ANKRD12: variants seen among roughly 807,000 people sequenced by gnomAD.
ANKRD12 encodes ankyrin repeat domain-containing protein 12.
ANKRD12 carries 85 observed loss-of-function variants against 183.4 expected under a neutral mutation model. That is an observed-to-expected ratio of 0.46 (90% CI 0.39 to 0.56). The LOEUF is 0.56. ANKRD12 is among the 20% of genes least tolerant of loss of function. ANKRD12 has a pLI of 0.00. For missense variants in ANKRD12, 2,405 were observed against 2,357.1 expected, an observed-to-expected ratio of 1.02 and a Z score of -0.42; for synonymous variants, 914 against 800.2, an observed-to-expected ratio of 1.14 and a Z score of -2.40.
At chr18:9,149,808 T>A (rs1359809759) in intron 1 of ANKRD12, among the ~76,000 whole-genome samples, 3 of 149,312 alleles carry the variant, frequency 2.0e-5, no homozygotes, top group Non-Finnish European at 4.5e-5. Context: ...ATTTTTTTTT[T>A]TTTTTGAGAC....
chr18:9,237,786 G>A lies in ANKRD12; in HGVS notation c.943+15787G>A, dbSNP rs367856769. On this transcript the variant is annotated intron_variant, in intron 8 of 12. Transcript: ENST00000262126. ...CAGGCCATTAAGGAGACGTGTCTTA[G>A]GTAGCTAGTGGCAGAGGAGATGATG... 7.7e-4 allele frequency among the ~76,000 whole-genome samples: 117 copies of A among 152,262 alleles called. 1 individual carries two copies. Among genetic ancestry groups the A allele is most frequent in the African/African-American group, 2.8e-3 (115 of 41,542 alleles).
chr18:9,160,710 G>A (rs183048740), intron 1 of ANKRD12, among the ~76,000 whole-genome samples: 14 of 152,236 alleles, frequency 9.2e-5, no homozygotes, highest in African/African-American at 3.1e-4. Context: ...GGAAGTTTGC[G>A]TTATCAAGTG....
chr18:9,145,363 C>G (rs1362567749), intron 1 of ANKRD12, among the ~76,000 whole-genome samples: 2 of 152,222 alleles, frequency 1.3e-5, no homozygotes, highest in African/African-American at 4.8e-5. Context: ...AGCATTACAT[C>G]TAGCATTGTT....
intron 8 of ANKRD12, among the ~76,000 whole-genome samples, chr18:9,241,305 T>C (rs1448393812): frequency 6.6e-6 from 1 of 152,184 alleles, no homozygotes; most frequent in Non-Finnish European, 1.5e-5. Flanking sequence ...ATACCTATAA[T>C]AAAAGATTTT....
chr18:9,263,903 A>C lies in ANKRD12; in HGVS notation c.5763+15A>C. The C allele has an allele frequency of 7.1e-7, 1 of 1,403,942 alleles. No homozygotes were observed. The highest frequency in any genetic ancestry group is 9.8e-7 in the Non-Finnish European group (1 of 1,025,028). 87.0% of individuals were successfully genotyped at this position (1,403,942 alleles called of 1,614,324 possible). On this transcript the variant is annotated intron_variant, in intron 10 of 12. Transcript: ENST00000262126. ...GTATTGAAAGGGTAAGAAATGTTTA[A>C]ATTTACACTTATGCTAAAAATAACT...
intron 9 of ANKRD12, 124 bp from the exon 10 acceptor site, chr18:9,263,663 GTAT>G (rs1450503478): frequency 7.2e-5 from 39 of 538,808 alleles, no homozygotes; most frequent in African/African-American, 7.1e-4. Context: ...AACTAGTGCT[GTAT>G]TATTTAATTC....
intron 10 of ANKRD12, among the ~76,000 whole-genome samples, chr18:9,271,694 G>T (rs1340308768): frequency 6.6e-6 from 1 of 152,142 alleles, no homozygotes; most frequent in Non-Finnish European, 1.5e-5. Flanking sequence ...AAAAATTTGG[G>T]AGGATATCAG....
rs759417506 is a variant in ANKRD12 at position 9,258,522 on chromosome 18, C to T, written c.5255C>T (p.Ala1752Val). ...GCAAATCAAAGCAAACAGATTCTTGCTAGCTGTACACTATTATCAGAAAAA... is the reference window on the plus strand; with the variant it reads ...GCAAATCAAAGCAAACAGATTCTTGTTAGCTGTACACTATTATCAGAAAAA... ...TMANQSKQILASCTLLSEKDS... is the reference protein window; with the variant it reads ...TMANQSKQILVSCTLLSEKDS... The change falls in exon 9 of 13, where the codon GCT becomes GTT. Residue 1752 changes from alanine to valine, a missense_variant. By Grantham distance (64) the Ala-to-Val change is moderately conservative. Around this residue, in one of 7 missense-constraint regions of ANKRD12, gnomAD observed 1,983 missense variants for 1,725.9 expected, o/e 1.15. Transcript: ENST00000262126. The T allele has an allele frequency of 4.3e-6, 7 of 1,613,584 alleles. No individual in the cohort carries two copies. Among genetic ancestry groups the T allele is most frequent in the Middle Eastern group, 1.6e-4 (1 of 6,084 alleles).
chr18:9,281,131 C>T lies in ANKRD12; in HGVS notation c.*5C>T. On this transcript the variant is annotated 3_prime_UTR_variant, in exon 13 of 13. Coordinates refer to ENST00000262126, the MANE Select transcript of ANKRD12 (RefSeq NM_015208.5). ...TTTGAATTGACTCCTATATAGCAGTCAGTACTTCCTGATGGTATTGTCCTA... is the reference window on the plus strand; with the variant it reads ...TTTGAATTGACTCCTATATAGCAGTTAGTACTTCCTGATGGTATTGTCCTA... 1 of 1,609,668 alleles carries T rather than the reference C, an allele frequency of 6.2e-7. No individual in the cohort carries two copies. The highest frequency in any genetic ancestry group is 1.1e-5 in the South Asian group (1 of 90,468).
intron 1 of ANKRD12, among the ~76,000 whole-genome samples, chr18:9,144,702 G>T (rs564665561): frequency 2.0e-5 from 3 of 152,124 alleles, no homozygotes; most frequent in Admixed American, 1.3e-4. Context: ...TGCACCTAAG[G>T]TTCAAGTTAA....
intron 1 of ANKRD12, among the ~76,000 whole-genome samples, chr18:9,170,300 CAG>C (rs1270622743): frequency 2.0e-5 from 3 of 152,198 alleles, no homozygotes; most frequent in South Asian, 4.1e-4. Flanking sequence ...TAATATCCTG[CAG>C]AGTGTTTTCC....
chr18:9,232,050 T>G (rs542877178), intron 8 of ANKRD12, among the ~76,000 whole-genome samples: 1 of 152,322 alleles, frequency 6.6e-6, no homozygotes, highest in Non-Finnish European at 1.5e-5. Flanking sequence ...ATATTCAATT[T>G]TATTGATATG....
chr18:9,226,964 CCTGTA>C (rs2036753874), intron 8 of ANKRD12, among the ~76,000 whole-genome samples: 1 of 151,978 alleles, frequency 6.6e-6, no homozygotes, highest in Admixed American at 6.6e-5. Flanking sequence ...TAGACTGGAT[CCTGTA>C]CTGGAGGGGA....
At chr18:9,244,343 A>T (rs2145040080) in intron 8 of ANKRD12, among the ~76,000 whole-genome samples, 1 of 152,254 alleles carries the variant, frequency 6.6e-6, no homozygotes, top group East Asian at 1.9e-4. Context: ...AAAACTAAAC[A>T]ACATGGAGAC....
chr18:9,225,826 G>GT (rs1296302108), intron 8 of ANKRD12, among the ~76,000 whole-genome samples: 1 of 152,076 alleles, frequency 6.6e-6, no homozygotes, highest in Admixed American at 6.5e-5. Flanking sequence ...ATTCAAACAT[G>GT]TAGCAAAGCT....
intron 8 of ANKRD12, among the ~76,000 whole-genome samples, chr18:9,237,260 A>T (rs1466871744): frequency 1.3e-5 from 2 of 152,206 alleles, no homozygotes; most frequent in Admixed American, 1.3e-4. Context: ...TATGAACAAG[A>T]TCTTCAAAAT....
chr18:9,264,878 G>A (rs372998028), intron 10 of ANKRD12, among the ~76,000 whole-genome samples: 4 of 152,306 alleles, frequency 2.6e-5, no homozygotes, highest in African/African-American at 9.6e-5. Context: ...CAAGATGGCC[G>A]AATAGGAACA....
At chr18:9,215,244 A>T (rs1346986267) in intron 6 of ANKRD12, among the ~76,000 whole-genome samples, 2 of 152,168 alleles carry the variant, frequency 1.3e-5, no homozygotes, top group Admixed American at 6.6e-5. Flanking sequence ...GATTTAGGGC[A>T]GGAAGGGATT....
At chr18:9,183,725 C>CGAGAA (rs959020716) in intron 2 of ANKRD12, among the ~76,000 whole-genome samples, 1 of 151,978 alleles carries the variant, frequency 6.6e-6, no homozygotes, top group African/African-American at 2.4e-5. Context: ...CTTTACTTCT[C>CGAGAA]GCCCCCCTTT....
Sources: gnomAD v4.1 joint callset for allele counts (sites outside exome capture counted in the v4.1 genomes callset) on GRCh38, gnomAD v4.1.1 for gene constraint, gnomAD v4.1.1 regional missense constraint, MANE v1.5 for transcripts, NCBI Gene and HGNC (gene_info 2026-07-23, HGNC 2026-07-21) for gene names.